The following ATP13A5 variants were observed in gnomAD, a reference collection of about 807,000 sequenced individuals.
ATP13A5 encodes probable cation-transporting ATPase 13A5.
In ATP13A5, 149 loss-of-function variants were observed where a neutral mutation model predicts 150.2. The ratio of observed to expected loss-of-function variants is 0.99; its 90% CI spans 0.87 to 1.14. The LOEUF (loss-of-function observed/expected upper bound fraction) is 1.14, where lower values mean the gene tolerates loss of function less well. Ranked by LOEUF, ATP13A5 falls within the 50% of genes most tolerant of loss-of-function variation. The pLI is 0.00. For missense variants in ATP13A5, 1,383 were observed against 1,449.3 expected, an observed-to-expected ratio of 0.95 and a Z score of 0.74; for synonymous variants, 497 against 522.2, an observed-to-expected ratio of 0.95 and a Z score of 0.66.
At chr3:193,308,848 A>G (rs1210943672) in intron 21 of ATP13A5, among the ~76,000 whole-genome samples, 1 of 152,200 alleles carries the variant, frequency 6.6e-6, no homozygotes, top group African/African-American at 2.4e-5. Context: ...GGCATTTGAA[A>G]AAGGTAAAAT....
At chr3:193,280,479 A>T (rs1231190456) in intron 27 of ATP13A5, among the ~76,000 whole-genome samples, 1 of 152,160 alleles carries the variant, frequency 6.6e-6, no homozygotes, top group Non-Finnish European at 1.5e-5. Flanking sequence ...TATCAACTGG[A>T]CTGTGACCAT....
rs6774889 is a variant in ATP13A5 at position 193,345,249 on chromosome 3, C to A, written c.742-174G>T. Among the ~76,000 whole-genome samples, 5 of 152,100 alleles carry A rather than the reference C, an allele frequency of 3.3e-5. 1 individual carries two copies. Among genetic ancestry groups the A allele is most frequent in the Admixed American group, 2.0e-4 (3 of 15,256 alleles). ...CTCCAACCCCTACCTCACCTGACCC[C>A]CTATGTGCAGCAGCAAATATGCTTA... On this transcript the variant is annotated intron_variant, in intron 7 of 29. Transcript: ENST00000342358.
At chr3:193,276,056 A>G (rs1215914974) in intron 29 of ATP13A5, among the ~76,000 whole-genome samples, 1 of 152,168 alleles carries the variant, frequency 6.6e-6, no homozygotes, top group East Asian at 1.9e-4. Flanking sequence ...TCATACATGT[A>G]GTATTTTTCT....
At position 193,278,067 on chromosome 3, in the gene ATP13A5, G is replaced by T. The variant is rs564347105; in HGVS notation, c.3316-1237C>A. 5.9e-5 allele frequency among the ~76,000 whole-genome samples: 9 copies of T among 152,134 alleles called. 1 individual carries two copies. Among genetic ancestry groups the T allele is most frequent in the Non-Finnish European group, 1.2e-4 (8 of 68,014 alleles). On this transcript the variant is annotated intron_variant, in intron 28 of 29. Coordinates refer to ENST00000342358, the MANE Select transcript of ATP13A5 (RefSeq NM_198505.4). Reference sequence around the variant, plus strand: ...GATCCACCCGCCTTGGCCTCCTAGAGTGCAGGGATTACAGGCATGAGCCAC... The same window carrying T: ...GATCCACCCGCCTTGGCCTCCTAGATTGCAGGGATTACAGGCATGAGCCAC...
intron 9 of ATP13A5, among the ~76,000 whole-genome samples, chr3:193,336,562 GA>G (rs1180574224): frequency 1.3e-5 from 2 of 152,190 alleles, no homozygotes; most frequent in African/African-American, 4.8e-5. Context: ...CAAAGGACAT[GA>G]ACTCATCCGT....
intron 25 of ATP13A5, among the ~76,000 whole-genome samples, chr3:193,293,554 A>T (rs1369170159): frequency 6.6e-6 from 1 of 152,026 alleles, no homozygotes; most frequent in East Asian, 1.9e-4. Flanking sequence ...CACAGGATCT[A>T]TTGCATGGGA....
In ATP13A5 at chr3:193,289,777, A is replaced by G. The variant is rs978735569; in HGVS notation, c.3023+108T>C. ...ATCATTTGAGTTTTGCAGCGACACA[A>G]TTTGATTAATTAAAAGTTTTAGGAT... On this transcript the variant is annotated intron_variant, in intron 26 of 29. Transcript: ENST00000342358. 4.6e-6 allele frequency: 5 copies of G among 1,094,204 alleles called. No homozygotes were observed. The African/African-American group carries it at 8.1e-5, about 18-fold the overall frequency. 67.8% of individuals were successfully genotyped at this position (1,094,204 alleles called of 1,614,324 possible).
intron 11 of ATP13A5, among the ~76,000 whole-genome samples, chr3:193,332,245 T>C (rs184161401): frequency 1.7e-3 from 262 of 152,332 alleles, no homozygotes; most frequent in Admixed American, 3.7e-3. Context: ...ATGTAAGACA[T>C]GTTTTGCTTC....
chr3:193,375,853 GC>G (rs1713622699), intron 1 of ATP13A5, among the ~76,000 whole-genome samples: 1 of 152,170 alleles, frequency 6.6e-6, no homozygotes, highest in Non-Finnish European at 1.5e-5. Context: ...TCACAGCATC[GC>G]CCCTCCATCC....
chr3:193,378,714 G>A lies in ATP13A5; in HGVS notation c.12C>T (p.Asn4=). 6.2e-7 allele frequency: 1 copy of A among 1,613,746 alleles called. No homozygotes were observed. Among genetic ancestry groups the A allele is most frequent in the East Asian group, 2.2e-5 (1 of 44,858 alleles). Residue 4 remains asparagine, a synonymous_variant, in exon 1 of 30, where the codon AAC becomes AAT. Coordinates refer to ENST00000342358, the MANE Select transcript of ATP13A5 (RefSeq NM_198505.4). MEE[N]SKKDHRALLN... is the part of the protein sequence containing the mutation. ...GCAAAGCCCGATGGTCCTTCTTACT[G>A]TTCTCTTCCATCTGAACTCAACCGG...
chr3:193,292,479 G>A (rs926620228), intron 25 of ATP13A5, among the ~76,000 whole-genome samples: 3 of 152,064 alleles, frequency 2.0e-5, no homozygotes, highest in Admixed American at 6.6e-5. Context: ...TTAATTTTGG[G>A]CTTCCCTGTG....
At chr3:193,326,925 A>G in intron 13 of ATP13A5, 71 bp downstream of exon 13, 6 of 1,387,250 alleles carry the variant, frequency 4.3e-6, no homozygotes, top group Non-Finnish European at 4.1e-6. Context: ...CTTAACACCC[A>G]AAAGATGGAT....
rs150620132 is a variant in ATP13A5 at position 193,299,248 on chromosome 3, A to G, written c.2776-45T>C. 6.0e-4 allele frequency: 881 copies of G among 1,465,308 alleles called. 15 individuals carry two copies. The East Asian group carries it at 0.02, about 33-fold the overall frequency. The allele number at this position is 1,465,308 out of a possible 1,614,324, so 90.8% of individuals were successfully genotyped here. On this transcript the variant is annotated intron_variant, in intron 24 of 29. Transcript: ENST00000342358. ...AAATATAAATGTGGCATCTGCCATC[A>G]TAGCCTATTTATTATTCCCTACACT...
At chr3:193,299,068 G>C in intron 25 of ATP13A5, 63 bp downstream of exon 25, 1 of 1,377,682 alleles carries the variant, frequency 7.3e-7, no homozygotes, top group Non-Finnish European at 1.0e-6. Flanking sequence ...CTTTTTGTGT[G>C]ACTGTTTCTA....
At chr3:193,304,871 C>T (rs528116409) in intron 23 of ATP13A5, among the ~76,000 whole-genome samples, 87 of 152,164 alleles carry the variant, frequency 5.7e-4, no homozygotes, top group Non-Finnish European at 9.9e-4. Flanking sequence ...ACAAAGATGG[C>T]GAAGGTGAAG....
At chr3:193,285,155 C>A in intron 26 of ATP13A5, 39 bp from the exon 27 acceptor site, 1 of 1,530,962 alleles carries the variant, frequency 6.5e-7, no homozygotes, top group Non-Finnish European at 8.9e-7. Context: ...ACATTTGATT[C>A]CATTTTTGTC....
intron 25 of ATP13A5, among the ~76,000 whole-genome samples, chr3:193,290,721 C>CT (rs901735817): frequency 7.2e-5 from 11 of 151,932 alleles, no homozygotes; most frequent in Non-Finnish European, 1.5e-4. Flanking sequence ...GATTTCAGGG[C>CT]TTTTTTAAAT....
chr3:193,365,035 T>C (rs764777315), intron 1 of ATP13A5, among the ~76,000 whole-genome samples: 22 of 152,190 alleles, frequency 1.4e-4, no homozygotes, highest in Non-Finnish European at 3.1e-4. Flanking sequence ...AGTTCCCAAC[T>C]TGTACAGTGA....
At chr3:193,320,911 A>G (rs1049742124) in intron 16 of ATP13A5, among the ~76,000 whole-genome samples, 7 of 152,196 alleles carry the variant, frequency 4.6e-5, no homozygotes, top group Non-Finnish European at 1.0e-4. Context: ...GAAAATTATG[A>G]ATTATCTTGC....
Sources: gnomAD v4.1 joint callset for allele counts (sites outside exome capture counted in the v4.1 genomes callset) on GRCh38, gnomAD v4.1.1 for gene constraint, MANE v1.5 for transcripts, NCBI Gene and HGNC (gene_info 2026-07-23, HGNC 2026-07-21) for gene names.